The following SHTN1 variants were observed in gnomAD, a reference collection of about 807,000 sequenced individuals.
SHTN1 encodes the protein shootin 1, also known as shootin-1.
A neutral mutation model predicts 83.1 loss-of-function variants in SHTN1; 42 were observed. The ratio of observed to expected loss-of-function variants is 0.51; its 90% CI spans 0.39 to 0.65. SHTN1 has a LOEUF of 0.65. Among genes scored for constraint, SHTN1 ranks in the 30% least tolerant of loss-of-function variants. The pLI is 0.00. For missense variants in SHTN1, 622 were observed against 737.8 expected, an observed-to-expected ratio of 0.84 and a Z score of 1.82; for synonymous variants, 224 against 247.7, an observed-to-expected ratio of 0.90 and a Z score of 0.90.
intron 1 of SHTN1, among the ~76,000 whole-genome samples, chr10:117,073,677 C>CCCT (rs569161169): frequency 3.5e-4 from 54 of 152,158 alleles, no homozygotes; most frequent in Non-Finnish European, 6.0e-4. Flanking sequence ...ATTTTTAGCC[C>CCCT]CCTCCTCTAG....
At chr10:116,931,271 T>TA (rs1589817558) in intron 9 of SHTN1, among the ~76,000 whole-genome samples, 2 of 152,286 alleles carry the variant, frequency 1.3e-5, no homozygotes, top group African/African-American at 4.8e-5. Flanking sequence ...TGTTCTGAGA[T>TA]AGAGTCTCAC....
upstream of SHTN1, among the ~76,000 whole-genome samples, chr10:117,006,556 A>G (rs1852015579): frequency 8.4e-6 from 1 of 119,502 alleles, no homozygotes; most frequent in African/African-American, 3.1e-5. Flanking sequence ...ACAGAGTGAG[A>G]CTCCGTCTCA....
intron 1 of SHTN1, among the ~76,000 whole-genome samples, chr10:117,088,601 T>G (rs1410261556): frequency 6.6e-6 from 1 of 152,184 alleles, no homozygotes; most frequent in Admixed American, 6.6e-5. Flanking sequence ...TGCAATTTCC[T>G]CCACCCTCCT....
intron 16 of SHTN1, among the ~76,000 whole-genome samples, chr10:116,889,977 C>T (rs913609370): frequency 6.6e-6 from 1 of 152,144 alleles, no homozygotes; most frequent in South Asian, 2.1e-4. Context: ...ATTCTACCTT[C>T]ATTCCTATCG....
intron 16 of SHTN1, among the ~76,000 whole-genome samples, chr10:116,889,149 G>C (rs1171379414): frequency 2.6e-5 from 4 of 152,226 alleles, no homozygotes; most frequent in Admixed American, 2.6e-4. Context: ...TGTGTCTGTA[G>C]GTGAAGGGGT....
chr10:116,907,941 A>G (rs952206222), intron 14 of SHTN1: 1 of 516,168 alleles, frequency 1.9e-6, no homozygotes, highest in Non-Finnish European at 3.9e-6. Flanking sequence ...TAATAATTCT[A>G]CTGGCTAAAA....
chr10:117,108,278 C>T (rs1240138148), intron 1 of SHTN1, among the ~76,000 whole-genome samples: 2 of 152,032 alleles, frequency 1.3e-5, no homozygotes, highest in Non-Finnish European at 2.9e-5. Flanking sequence ...TGTGGCACTA[C>T]TCGCAATAGC....
At position 116,981,314 on chromosome 10, in the gene SHTN1, C is replaced by G. The variant is rs570105182; in HGVS notation, c.59-2006G>C. On this transcript the variant is annotated intron_variant, in intron 1 of 16. Coordinates refer to ENST00000355371, the MANE Select transcript of SHTN1 (RefSeq NM_001127211.3). ...CCAACCTGGGCGACAGAGCGAGACT[C>G]TGTCTCAAAAACAAAACGAAACAAA... 7.4e-4 allele frequency among the ~76,000 whole-genome samples: 112 copies of G among 152,280 alleles called. 2 individuals are homozygous for G. The South Asian group carries it at 0.022, about 30-fold the overall frequency.
At chr10:116,931,995 G>T (rs1320772808) in intron 9 of SHTN1, among the ~76,000 whole-genome samples, 2 of 152,190 alleles carry the variant, frequency 1.3e-5, no homozygotes, top group African/African-American at 4.8e-5. Flanking sequence ...CCCCAATTTA[G>T]GATGGTTTGA....
At chr10:117,032,705 C>G (rs1015151895) in intron 2 of SHTN1, among the ~76,000 whole-genome samples, 1 of 152,074 alleles carries the variant, frequency 6.6e-6, no homozygotes, top group Non-Finnish European at 1.5e-5. Context: ...TGGATATTTA[C>G]AGAACATTTC....
chr10:116,962,640 CA>C (rs898659027), intron 3 of SHTN1, among the ~76,000 whole-genome samples: 17 of 151,658 alleles, frequency 1.1e-4, no homozygotes, highest in Admixed American at 2.6e-4. Flanking sequence ...CAAAACAAAA[CA>C]AAAAAAACAT....
At chr10:116,974,203 C>T in intron 2 of SHTN1, 1 of 912,346 alleles carries the variant, frequency 1.1e-6, no homozygotes, top group Non-Finnish European at 1.3e-6. Flanking sequence ...AACAGAGATC[C>T]TTGCTCTTTG....
intron 1 of SHTN1, among the ~76,000 whole-genome samples, chr10:117,103,530 C>CTTTTTTTTTTTTT (rs35229163): frequency 2.6e-5 from 2 of 77,500 alleles, no homozygotes; most frequent in Non-Finnish European, 4.3e-5. Context: ...CCTCCCCTCT[C>CTTTTTTTTTTTTT]TTTTTTTTTT....
At chr10:116,970,680 C>T (rs1564906165) in intron 2 of SHTN1, among the ~76,000 whole-genome samples, 1 of 150,396 alleles carries the variant, frequency 6.6e-6, no homozygotes, top group Non-Finnish European at 1.5e-5. Context: ...TGCCACTGCA[C>T]TCCAGCCTGG....
Position 117,121,665 on chromosome 10 carries a change from C to G in SHTN1, c.-189+4642G>C, listed in dbSNP as rs147367743. Among the ~76,000 whole-genome samples the G allele has an allele frequency of 6.6e-3, 1,009 of 152,202 alleles. 8 individuals carry two copies. Among genetic ancestry groups the G allele is most frequent in the African/African-American group, 0.023 (969 of 41,512 alleles). ...GGGTGGTTTCCAGGAACACCCCCAT[C>G]AGAGGATGTCCAAGTCCTTAATGTA... On this transcript the variant is annotated intron_variant, in intron 1 of 17. Transcript: ENST00000392901.
intron 1 of SHTN1, among the ~76,000 whole-genome samples, chr10:117,092,760 T>C (rs559533151): frequency 6.6e-6 from 1 of 152,210 alleles, no homozygotes; most frequent in Non-Finnish European, 1.5e-5. Flanking sequence ...ACATTGTTAC[T>C]GTCTTTAGAG....
rs1564913589 is a variant in SHTN1 at position 116,983,672 on chromosome 10, ATAGATAGATAGATAAATAC to A, written c.59-4383_59-4365del. On this transcript the variant is annotated intron_variant, in intron 1 of 16. Transcript: ENST00000355371. Reference sequence around the variant, plus strand: ...GATAGATAGATAGATAGATAGATAGATAGATAGATAGATAAATACATACATACATACATACATACATACA... The same window carrying A: ...GATAGATAGATAGATAGATAGATAGAATACATACATACATACATACATACA... Among the ~76,000 whole-genome samples the A allele has an allele frequency of 1.1e-3, 119 of 104,536 alleles. No individual in the cohort carries two copies. The South Asian group carries it at 0.023, about 20-fold the overall frequency. The allele number at this position is 104,536 out of a possible 152,430, so 68.6% of individuals were successfully genotyped here. A position where few individuals can be genotyped will look rare whatever the true frequency, so the allele number is the denominator to read the frequency against.
intron 1 of SHTN1, among the ~76,000 whole-genome samples, chr10:117,097,335 A>G (rs1808459207): frequency 6.6e-6 from 1 of 152,266 alleles, no homozygotes; most frequent in Non-Finnish European, 1.5e-5. Context: ...CTAAGTTTAA[A>G]TTGATTTTAT....
chr10:117,021,568 T>A lies in SHTN1; in HGVS notation c.-123+26877A>T, dbSNP rs562707532. Among the ~76,000 whole-genome samples the A allele has an allele frequency of 7.3e-4, 111 of 152,326 alleles. 2 individuals are homozygous for A. The South Asian group carries it at 0.022, about 30-fold the overall frequency. Reference sequence around the variant, plus strand: ...GTATAATTCACTTTTAGTAAATTCATAGTGATGTGCAACCATCACCACAAT... The same window carrying A: ...GTATAATTCACTTTTAGTAAATTCAAAGTGATGTGCAACCATCACCACAAT... On this transcript the variant is annotated intron_variant, in intron 2 of 17. Transcript: ENST00000392901.
Sources: allele counts gnomAD v4.1 joint callset (sites outside exome capture counted in the v4.1 genomes callset), GRCh38; gene constraint gnomAD v4.1.1; transcripts MANE v1.5; gene names NCBI Gene and HGNC (gene_info 2026-07-23, HGNC 2026-07-21).